Variants in DSTN observed in about 807,000 individuals in gnomAD.
DSTN encodes the protein destrin, actin depolymerizing factor.
DSTN carries 10 observed loss-of-function variants against 16.8 expected under a neutral mutation model. The ratio of observed to expected loss-of-function variants is 0.60; its 90% CI spans 0.37 to 1.01. The LOEUF (loss-of-function observed/expected upper bound fraction) is 1.01. DSTN is among the 50% of genes least tolerant of loss of function. The pLI, the probability that DSTN is intolerant of heterozygous loss-of-function variation, is 0.01. For missense variants in DSTN, 141 were observed against 196.7 expected (o/e 0.72, Z 1.69); for synonymous variants, 57 against 58.9 (o/e 0.97, Z 0.14).
chr20:17,605,906 C>G (rs2035637377), intron 3 of DSTN, among the ~76,000 whole-genome samples: 1 of 151,590 alleles, frequency 6.6e-6, no homozygotes, highest in Non-Finnish European at 1.5e-5. Flanking sequence ...AGTTCGAGAC[C>G]AGCCTGACCA....
At chr20:17,577,983 C>G (rs1418373550) in intron 1 of DSTN, among the ~76,000 whole-genome samples, 1 of 152,208 alleles carries the variant, frequency 6.6e-6, no homozygotes, top group African/African-American at 2.4e-5. Flanking sequence ...CTCAGTCACA[C>G]TAGCCACATT....
At chr20:17,578,486 A>G (rs1292932551) in intron 1 of DSTN, among the ~76,000 whole-genome samples, 1 of 152,246 alleles carries the variant, frequency 6.6e-6, no homozygotes, top group Non-Finnish European at 1.5e-5. Context: ...TCTTACAAGT[A>G]AAAATCCTTC....
chr20:17,597,589 TAA>T (rs1316281841), intron 1 of DSTN, among the ~76,000 whole-genome samples: 23 of 152,182 alleles, frequency 1.5e-4, no homozygotes, highest in African/African-American at 2.2e-4. Context: ...ACCCATTAAT[TAA>T]TTCCTCATCC....
chr20:17,579,355 G>A (rs78014957), intron 1 of DSTN, among the ~76,000 whole-genome samples: 2,684 of 152,190 alleles, frequency 0.018, 102 homozygotes, highest in African/African-American at 0.062. Flanking sequence ...CAGGCAGATC[G>A]CTTGAGCTTA....
intron 1 of DSTN, among the ~76,000 whole-genome samples, chr20:17,574,081 A>G (rs2035238949): frequency 6.6e-6 from 1 of 152,102 alleles, no homozygotes; most frequent in African/African-American, 2.4e-5. Flanking sequence ...GCATGTGCCT[A>G]TACTCCTAGC....
rs2035622077 is a variant in DSTN at position 17,604,619 on chromosome 20, A to G, written c.376A>G (p.Lys126Glu). The change falls in exon 3 of 4, where the codon AAG becomes GAG. Residue 126 changes from lysine (K) to glutamate (E), a missense_variant. By Grantham distance (56) the Lys-to-Glu change is moderately conservative. Coordinates refer to ENST00000246069, the MANE Select transcript of DSTN (RefSeq NM_006870.4). ...TGCAAGCTCCAAGGATGCAATTAAA[A>G]AGAAATTTCAAGGTATGTTCTAGAT... ...IYASSKDAIK[K>E]KFQGIKHECQ... 1 of 1,613,398 alleles carries G rather than the reference A, an allele frequency of 6.2e-7. No homozygotes were observed. The highest frequency in any genetic ancestry group is 1.7e-5 in the Admixed American group (1 of 59,816).
At position 17,592,006 on chromosome 20, in the gene DSTN, C is replaced by T. The variant is rs998283150; in HGVS notation, c.4-8732C>T. 1.1e-5 allele frequency: 11 copies of T among 985,258 alleles called. No homozygotes were observed. In the African/African-American group the frequency reaches 1.4e-4, roughly 13 times the overall value. 61.0% of individuals were successfully genotyped at this position (985,258 alleles called of 1,614,324 possible). A position where few individuals can be genotyped will look rare whatever the true frequency, so the allele number is the denominator to read the frequency against. On this transcript the variant is annotated intron_variant, in intron 1 of 3. Transcript: ENST00000246069. ...ATTGAGAGGAGATACACAGGCACTA[C>T]GAGAATGGAGTTTAGAAGAAGGTCA...
At chr20:17,591,418 C>A (rs1476287098) in intron 1 of DSTN, among the ~76,000 whole-genome samples, 1 of 151,640 alleles carries the variant, frequency 6.6e-6, no homozygotes, top group Admixed American at 6.6e-5. Context: ...ATAGGCTTTG[C>A]CAGGAGTCCG....
At chr20:17,595,382 CTG>C (rs1440220949) in intron 1 of DSTN, among the ~76,000 whole-genome samples, 14 of 152,194 alleles carry the variant, frequency 9.2e-5, no homozygotes, top group Non-Finnish European at 1.8e-4. Context: ...CACCTCAAAA[CTG>C]TCATTTTCCC....
chr20:17,606,115 A>G (rs1474360482), intron 3 of DSTN, among the ~76,000 whole-genome samples: 1 of 152,146 alleles, frequency 6.6e-6, no homozygotes, highest in East Asian at 1.9e-4. Context: ...TCTCAAAAAA[A>G]AAAAAAAGAT....
intron 1 of DSTN, among the ~76,000 whole-genome samples, chr20:17,575,839 T>C (rs1442820857): frequency 6.6e-6 from 1 of 152,198 alleles, no homozygotes; most frequent in Non-Finnish European, 1.5e-5. Context: ...TGAAAGTATC[T>C]TGAGTTTACT....
Position 17,583,735 on chromosome 20 carries a change from C to CTTTTTTTTTTTTTTTT in DSTN, c.3+13532_3+13547dup, listed in dbSNP as rs71192397. ...ATGACTGCTAATGGGTTTGGAGTTT[C>CTTTTTTTTTTTTTTTT]TTTTTTTTTTTTTTTTTTTTTTTGA... On this transcript the variant is annotated intron_variant, in intron 1 of 3. Coordinates refer to ENST00000246069, the MANE Select transcript of DSTN (RefSeq NM_006870.4). 1.9e-4 allele frequency among the ~76,000 whole-genome samples: 14 copies of CTTTTTTTTTTTTTTTT among 72,488 alleles called. 4 individuals are homozygous for CTTTTTTTTTTTTTTTT. Among genetic ancestry groups the CTTTTTTTTTTTTTTTT allele is most frequent in the South Asian group, 1.3e-3 (2 of 1,544 alleles). 47.6% of individuals were successfully genotyped at this position (72,488 alleles called of 152,430 possible). A position where few individuals can be genotyped will look rare whatever the true frequency, so the allele number is the denominator to read the frequency against.
chr20:17,607,425 A>G lies in DSTN; in HGVS notation c.*279A>G, dbSNP rs2035653914. ...CTCAGGATTTTAAATTACACAGTTC[A>G]CAAACAGTAAAGGCCATGTGAAGAG... On this transcript the variant is annotated 3_prime_UTR_variant, in exon 4 of 4. Coordinates refer to ENST00000246069, the MANE Select transcript of DSTN (RefSeq NM_006870.4). 1 of 322,870 alleles carries G rather than the reference A, an allele frequency of 3.1e-6. No homozygotes were observed. The highest frequency in any genetic ancestry group is 5.4e-5 in the East Asian group (1 of 18,680). The allele number at this position is 322,870 out of a possible 1,614,324, so 20.0% of individuals were successfully genotyped here. A position where few individuals can be genotyped will look rare whatever the true frequency, so the allele number is the denominator to read the frequency against.
Position 17,606,973 on chromosome 20 carries a change from A to G in DSTN, c.389-64A>G, listed in dbSNP as rs567986327. The G allele has an allele frequency of 9.4e-5, 145 of 1,542,686 alleles. 1 individual carries two copies. The East Asian group carries it at 2.5e-3, about 26-fold the overall frequency. On this transcript the variant is annotated intron_variant, in intron 3 of 3. Coordinates refer to ENST00000246069, the MANE Select transcript of DSTN (RefSeq NM_006870.4). ...GAACTGGTCTTTTAAAAGTTTGGTT[A>G]TCTTAGAGAAAGAGGTAAACTGCTG...
chr20:17,584,548 A>T (rs1485104482), intron 1 of DSTN, among the ~76,000 whole-genome samples: 1 of 151,648 alleles, frequency 6.6e-6, no homozygotes, highest in African/African-American at 2.4e-5. Context: ...GCTACTCGGG[A>T]GGCTGAGGCA....
intron 1 of DSTN, among the ~76,000 whole-genome samples, chr20:17,594,356 C>T (rs2122194404): frequency 6.6e-6 from 1 of 152,108 alleles, no homozygotes; most frequent in South Asian, 2.1e-4. Context: ...CTTCTCCTAT[C>T]ATGAAGTATG....
At chr20:17,605,088 A>G (rs1163404735) in intron 3 of DSTN, 5 of 456,364 alleles carry the variant, frequency 1.1e-5, no homozygotes, top group South Asian at 4.6e-5. Context: ...ATTTTAGGTA[A>G]TTAATTCATC....
intron 3 of DSTN, 27 bp from the exon 4 acceptor site, chr20:17,607,010 A>G: frequency 1.2e-5 from 20 of 1,608,342 alleles, no homozygotes; most frequent in Non-Finnish European, 1.7e-5. Flanking sequence ...CATAATTGTA[A>G]ATAGAAGTGT....
chr20:17,570,155 T>C lies in DSTN; in HGVS notation c.-54T>C. ...GCAGCCGTGAGGAGGACGGTCTGCATACTCGCTGCCCGCCGGCTCCCTCCC... is the reference window on the plus strand; with the variant it reads ...GCAGCCGTGAGGAGGACGGTCTGCACACTCGCTGCCCGCCGGCTCCCTCCC... On this transcript the variant is annotated 5_prime_UTR_variant, in exon 1 of 4. Coordinates refer to ENST00000246069, the MANE Select transcript of DSTN (RefSeq NM_006870.4). 6.6e-7 allele frequency: 1 copy of C among 1,516,778 alleles called. No homozygotes were observed. Among genetic ancestry groups the C allele is most frequent in the Non-Finnish European group, 8.8e-7 (1 of 1,136,526 alleles). The allele number at this position is 1,516,778 out of a possible 1,614,324, so 94.0% of individuals were successfully genotyped here. A position where few individuals can be genotyped will look rare whatever the true frequency, so the allele number is the denominator to read the frequency against.
Sources: gnomAD v4.1 joint callset for allele counts (sites outside exome capture counted in the v4.1 genomes callset) on GRCh38, gnomAD v4.1.1 for gene constraint, MANE v1.5 for transcripts, NCBI Gene and HGNC (gene_info 2026-07-23, HGNC 2026-07-21) for gene names.